SULT4A1: variants seen among roughly 807,000 people sequenced by gnomAD.
The protein encoded by SULT4A1 is sulfotransferase family 4A member 1, also known as sulfotransferase 4A1.
In SULT4A1, 11 loss-of-function variants were observed where a neutral mutation model predicts 35.2. The ratio of observed to expected loss-of-function variants is 0.31; its 90% CI spans 0.20 to 0.52. The LOEUF (loss-of-function observed/expected upper bound fraction) is 0.52. SULT4A1 is among the 20% of genes least tolerant of loss of function. The pLI is 0.97. For missense variants in SULT4A1, 271 were observed against 383.7 expected, an observed-to-expected ratio of 0.71 and a Z score of 2.45; for synonymous variants, 152 against 151.8, an observed-to-expected ratio of 1.00 and a Z score of -0.01.
chr22:43,827,197 T>C (rs954837352), intron 6 of SULT4A1: 4 of 985,340 alleles, frequency 4.1e-6, no homozygotes, highest in Non-Finnish European at 4.8e-6. Context: ...GTCAGCTCTC[T>C]GAGATCAGAG....
At chr22:43,833,559 C>T (rs1363288484) in intron 5 of SULT4A1, 81 bp downstream of exon 5, 5 of 1,156,350 alleles carry the variant, frequency 4.3e-6, no homozygotes, top group South Asian at 2.8e-5. Context: ...CCCACACGCC[C>T]ACTGTAAAGG....
intron 3 of SULT4A1, among the ~76,000 whole-genome samples, chr22:43,839,681 C>G (rs1008145512): frequency 6.6e-6 from 1 of 152,210 alleles, no homozygotes; most frequent in Non-Finnish European, 1.5e-5. Context: ...AGCAGGTACA[C>G]GCCTGCTGGC....
chr22:43,836,178 T>A (rs2401200), intron 4 of SULT4A1, among the ~76,000 whole-genome samples: 5 of 124,310 alleles, frequency 4.0e-5, no homozygotes, highest in South Asian at 5.2e-4. Context: ...AGGGACCCTG[T>A]CTACACAGCG....
chr22:43,862,115 C>A, intron 1 of SULT4A1, 99 bp downstream of exon 1: 2 of 1,025,814 alleles, frequency 1.9e-6, no homozygotes, highest in Middle Eastern at 3.9e-4. Flanking sequence ...AGGGCGACCA[C>A]CCGGCCCAGC....
chr22:43,845,859 C>T (rs539490638), intron 1 of SULT4A1, among the ~76,000 whole-genome samples: 3 of 152,266 alleles, frequency 2.0e-5, no homozygotes, highest in African/African-American at 7.2e-5. Context: ...AACTAAACCC[C>T]GATGATCTGA....
Position 43,825,870 on chromosome 22 carries a change from C to T in SULT4A1, c.*131G>A, listed in dbSNP as rs2063283437. 1.1e-6 allele frequency: 1 copy of T among 908,190 alleles called. No homozygotes were observed. The highest frequency in any genetic ancestry group is 1.7e-6 in the Non-Finnish European group (1 of 591,176). The allele number at this position is 908,190 out of a possible 1,614,324, so 56.3% of individuals were successfully genotyped here. On this transcript the variant is annotated 3_prime_UTR_variant, in exon 7 of 7. Transcript: ENST00000330884. ...CATCACACTCCCTCCGCTCACGCCGCTCTTCCCTTCCCCCGCTGTTTCACA... is the reference window on the plus strand; with the variant it reads ...CATCACACTCCCTCCGCTCACGCCGTTCTTCCCTTCCCCCGCTGTTTCACA...
In SULT4A1 at chr22:43,825,888, G is replaced by T; in HGVS notation, c.*113C>A. The stretch of plus-strand genomic sequence containing the variant: ...CACGCCGCTCTTCCCTTCCCCCGCT[G>T]TTTCACACGCTGCTTCCAGAGTTTG... On this transcript the variant is annotated 3_prime_UTR_variant, in exon 7 of 7. Transcript: ENST00000330884. 9.1e-7 allele frequency: 1 copy of T among 1,097,982 alleles called. No individual in the cohort carries two copies. 68.0% of individuals were successfully genotyped at this position (1,097,982 alleles called of 1,614,324 possible).
intron 1 of SULT4A1, among the ~76,000 whole-genome samples, chr22:43,854,403 G>C (rs2049378483): frequency 6.6e-6 from 1 of 152,218 alleles, no homozygotes; most frequent in African/African-American, 2.4e-5. Flanking sequence ...CCCGAAGCAG[G>C]GATCTAGTCA....
chr22:43,844,005 G>A (rs2063454767), intron 1 of SULT4A1, among the ~76,000 whole-genome samples: 1 of 152,168 alleles, frequency 6.6e-6, no homozygotes, highest in African/African-American at 2.4e-5. Flanking sequence ...CTGTCTCCAG[G>A]TGGGCAGTGC....
chr22:43,831,681 C>T (rs914434764), intron 5 of SULT4A1, among the ~76,000 whole-genome samples: 22 of 152,236 alleles, frequency 1.4e-4, no homozygotes, highest in African/African-American at 4.3e-4. Flanking sequence ...TCGCCATCTG[C>T]GCAGAAGCCA....
intron 1 of SULT4A1, among the ~76,000 whole-genome samples, chr22:43,851,908 G>A (rs4149441): frequency 0.23 from 35,375 of 152,082 alleles, 4,787 homozygotes; most frequent in East Asian, 0.46. Context: ...TCACGACTGC[G>A]GCATTCAGGC....
In SULT4A1 at chr22:43,838,959, A is replaced by C. The variant is rs1241070926; in HGVS notation, c.416T>G (p.Val139Gly). Reference protein sequence around the residue: ...IYMARNPKDLVVSYYQFHRSL... With the variant: ...IYMARNPKDLGVSYYQFHRSL... Reference sequence around the variant, plus strand: ...GCGGTGGAACTGATAATAAGACACCACCAGATCCTTGGGGTTGCGAGCCAT... The same window carrying C: ...GCGGTGGAACTGATAATAAGACACCCCCAGATCCTTGGGGTTGCGAGCCAT... The change falls in exon 4 of 7, where the codon GTG becomes GGG. Residue 139 changes from valine (V) to glycine (G), a missense_variant. Val to Gly is a moderately radical substitution (Grantham distance 109). This residue lies in a region of SULT4A1 where 164 missense variants were observed against 254.1 expected (regional missense o/e 0.65). Coordinates refer to ENST00000330884, the MANE Select transcript of SULT4A1 (RefSeq NM_014351.4). 1 of 1,614,080 alleles carries C rather than the reference A, an allele frequency of 6.2e-7. No homozygotes were observed. Among genetic ancestry groups the C allele is most frequent in the Non-Finnish European group, 8.5e-7 (1 of 1,180,022 alleles).
chr22:43,862,445 GCGCCCGCGCCCGCGCCC>G lies in SULT4A1; in HGVS notation c.-80_-64del. On this transcript the variant is annotated 5_prime_UTR_variant, in exon 1 of 7. Coordinates refer to ENST00000330884, the MANE Select transcript of SULT4A1 (RefSeq NM_014351.4). The stretch of plus-strand genomic sequence containing the variant: ...TCGCAGCCCGCACGCGCCCGCGCCC[GCGCCCGCGCCCGCGCCC>G]CGCACACGCTCGCGCCCCACCGGCG... 3 of 970,774 alleles carry G rather than the reference GCGCCCGCGCCCGCGCCC, an allele frequency of 3.1e-6. No homozygotes were observed. The highest frequency in any genetic ancestry group is 3.6e-6 in the Non-Finnish European group (3 of 822,716). The allele number at this position is 970,774 out of a possible 1,614,324, so 60.1% of individuals were successfully genotyped here.
chr22:43,827,507 C>T, intron 6 of SULT4A1: 2 of 1,335,912 alleles, frequency 1.5e-6, no homozygotes, highest in Non-Finnish European at 2.0e-6. Flanking sequence ...TCAGAGGAGT[C>T]ACCCACCTGG....
chr22:43,852,652 G>A (rs1035720480), intron 1 of SULT4A1, among the ~76,000 whole-genome samples: 2 of 152,002 alleles, frequency 1.3e-5, no homozygotes, highest in Admixed American at 6.6e-5. Flanking sequence ...GCTGCGGCCA[G>A]TCCTTGTCCC....
At chr22:43,856,422 T>G (rs569161838) in intron 1 of SULT4A1, among the ~76,000 whole-genome samples, 1 of 152,104 alleles carries the variant, frequency 6.6e-6, no homozygotes, top group African/African-American at 2.4e-5. Flanking sequence ...TCCAGGCAGT[T>G]TGGCTGCCAC....
At chr22:43,848,731 G>A (rs1171602430) in intron 1 of SULT4A1, among the ~76,000 whole-genome samples, 1 of 152,216 alleles carries the variant, frequency 6.6e-6, no homozygotes, top group Admixed American at 6.5e-5. Flanking sequence ...AGAGCAGTGA[G>A]GGCAAATACA....
At chr22:43,843,190 G>A (rs1238939975) in intron 1 of SULT4A1, among the ~76,000 whole-genome samples, 1 of 152,162 alleles carries the variant, frequency 6.6e-6, no homozygotes, top group Non-Finnish European at 1.5e-5. Context: ...CAAACCGGGA[G>A]GACTGCTTGA....
intron 1 of SULT4A1, among the ~76,000 whole-genome samples, chr22:43,860,999 G>A (rs536707263): frequency 2.0e-5 from 3 of 152,126 alleles, no homozygotes; most frequent in African/African-American, 7.2e-5. Context: ...GATTAACAGC[G>A]ATAGAGCACT....
Sources: allele counts gnomAD v4.1 joint callset (sites outside exome capture counted in the v4.1 genomes callset), GRCh38; gene constraint gnomAD v4.1.1; regional missense constraint gnomAD v4.1.1; transcripts MANE v1.5; gene names NCBI Gene and HGNC (gene_info 2026-07-23, HGNC 2026-07-21).